NIT2: variants seen among roughly 807,000 people sequenced by gnomAD.
NIT2 encodes the protein omega-amidase NIT2.
Under a neutral mutation model 42.7 loss-of-function variants are expected in NIT2, and 46 were observed. The ratio of observed to expected loss-of-function variants is 1.08; its 90% CI spans 0.85 to 1.38. The LOEUF is 1.38. Ranked by LOEUF, NIT2 falls within the 40% of genes most tolerant of loss-of-function variation. The pLI is 0.00. For synonymous variants in NIT2, 123 were observed against 121.9 expected, an observed-to-expected ratio of 1.01 and a Z score of -0.06; for missense variants, 309 against 342.5, an observed-to-expected ratio of 0.90 and a Z score of 0.77.
At chr3:100,341,268 T>C in intron 4 of NIT2, 107 bp downstream of exon 4, 2 of 742,368 alleles carry the variant, frequency 2.7e-6, no homozygotes, top group Non-Finnish European at 4.8e-6. Flanking sequence ...ATATCACACA[T>C]GTATTAGGGT....
intron 5 of NIT2, 45 bp from the exon 6 acceptor site, chr3:100,346,136 G>A: frequency 1.3e-6 from 2 of 1,497,172 alleles, no homozygotes; most frequent in Non-Finnish European, 1.9e-6. Flanking sequence ...ACACCATGCT[G>A]TAGGGAGTTA....
intron 8 of NIT2, among the ~76,000 whole-genome samples, chr3:100,353,649 T>C (rs190966503): frequency 6.6e-6 from 1 of 152,336 alleles, no homozygotes. Context: ...AAAGTCTGTC[T>C]GTGGCTATCT....
intron 4 of NIT2, among the ~76,000 whole-genome samples, chr3:100,342,916 G>T (rs1706171597): frequency 6.6e-6 from 1 of 152,040 alleles, no homozygotes; most frequent in Non-Finnish European, 1.5e-5. Context: ...CTGAGGATCT[G>T]TTAGCTAGGA....
In NIT2 at chr3:100,356,293, T is replaced by TG. The variant is rs1706324766; in HGVS notation, c.*1025_*1026insG. 2 of 152,232 alleles carry TG rather than the reference T, an allele frequency of 1.3e-5. No homozygotes were observed. The highest frequency in any genetic ancestry group is 4.8e-5 in the African/African-American group (2 of 41,450). 9.4% of individuals were successfully genotyped at this position (152,232 alleles called of 1,614,324 possible). ...GAAAAAGCCCTGATTTTGCTGCTTT[T>TG]CATGGTGTAAATACTTAACCATGGC... On this transcript the variant is annotated 3_prime_UTR_variant, in exon 10 of 10. Transcript: ENST00000394140.
chr3:100,354,284 C>T (rs1281561267), intron 8 of NIT2, among the ~76,000 whole-genome samples: 2 of 152,182 alleles, frequency 1.3e-5, no homozygotes, highest in Admixed American at 1.3e-4. Context: ...GGGCAGAGAC[C>T]CCAGCAGATC....
At chr3:100,353,041 C>T (rs1001583289) in intron 8 of NIT2, among the ~76,000 whole-genome samples, 1 of 152,240 alleles carries the variant, frequency 6.6e-6, no homozygotes, top group African/African-American at 2.4e-5. Flanking sequence ...GTCATACGCT[C>T]ATACGCATTC....
rs1281432060 is a variant in NIT2, at chr3:100,359,507, GTC to G, written c.*4240_*4241del. 5 of 152,032 alleles carry G rather than the reference GTC, an allele frequency of 3.3e-5. No individual in the cohort carries two copies. Among genetic ancestry groups the G allele is most frequent in the African/African-American group, 1.2e-4 (5 of 41,364 alleles). The allele number at this position is 152,032 out of a possible 1,614,324, so 9.4% of individuals were successfully genotyped here. On this transcript the variant is annotated 3_prime_UTR_variant, in exon 10 of 10. Coordinates refer to ENST00000394140, the MANE Select transcript of NIT2 (RefSeq NM_020202.5). ...CGGCAGGCAGATTCTGCCCTCATCT[GTC>G]CAGTGACACTCTTCTGGCAGATTAC... is the stretch of plus-strand genomic sequence containing the variant.
At chr3:100,345,718 A>G in intron 5 of NIT2, 40 bp downstream of exon 5, 1 of 1,228,104 alleles carries the variant, frequency 8.1e-7, no homozygotes, top group Non-Finnish European at 1.2e-6. Flanking sequence ...CAATCTCAGT[A>G]GAAGACAATC....
chr3:100,341,114 T>C lies in NIT2; in HGVS notation c.289T>C (p.Cys97Arg), dbSNP rs1387122569. The change falls in exon 4 of 10, where the codon TGT becomes CGT. Residue 97 changes from cysteine to arginine, a missense_variant. Coordinates refer to ENST00000394140, the MANE Select transcript of NIT2 (RefSeq NM_020202.5). ...GGATGCTGGGAAATTATATAACACCTGTGCTGTGTTTGGGCCTGATGGAAC... is the reference window on the plus strand; with the variant it reads ...GGATGCTGGGAAATTATATAACACCCGTGCTGTGTTTGGGCCTGATGGAAC... Reference protein sequence around the residue: ...EEDAGKLYNTCAVFGPDGTLL... With the variant: ...EEDAGKLYNTRAVFGPDGTLL... The C allele has an allele frequency of 1.2e-6, 2 of 1,613,678 alleles. No individual in the cohort carries two copies. Among genetic ancestry groups the C allele is most frequent in the African/African-American group, 1.3e-5 (1 of 75,044 alleles).
At chr3:100,354,114 T>G (rs1706301170) in intron 8 of NIT2, among the ~76,000 whole-genome samples, 1 of 152,196 alleles carries the variant, frequency 6.6e-6, no homozygotes, top group Non-Finnish European at 1.5e-5. Context: ...CCTGGATTGA[T>G]GAAGGAGTGT....
chr3:100,348,333 T>C (rs1330423791), intron 6 of NIT2, among the ~76,000 whole-genome samples: 1 of 152,172 alleles, frequency 6.6e-6, no homozygotes, highest in Non-Finnish European at 1.5e-5. Flanking sequence ...GGGTGTGTGA[T>C]TTAGTATGTT....
chr3:100,348,171 C>T (rs990800884), intron 6 of NIT2, among the ~76,000 whole-genome samples: 6 of 152,160 alleles, frequency 3.9e-5, no homozygotes, highest in African/African-American at 1.4e-4. Flanking sequence ...GGATTACAGG[C>T]GTGAGCCAGC....
intron 4 of NIT2, 79 bp downstream of exon 4, chr3:100,341,240 T>C: frequency 1.1e-6 from 1 of 921,392 alleles, no homozygotes. Flanking sequence ...GCTATGAAGT[T>C]CCCTAGTCCC....
At position 100,334,791 on chromosome 3, in the gene NIT2, C is replaced by G. The variant is rs1706047222; in HGVS notation, c.-1C>G. The G allele has an allele frequency of 7.7e-7, 1 of 1,304,976 alleles. No homozygotes were observed. Among genetic ancestry groups the G allele is most frequent in the Non-Finnish European group, 9.8e-7 (1 of 1,020,752 alleles). The allele number at this position is 1,304,976 out of a possible 1,614,324, so 80.8% of individuals were successfully genotyped here. On this transcript the variant is annotated 5_prime_UTR_variant, in exon 1 of 10. Coordinates refer to ENST00000394140, the MANE Select transcript of NIT2 (RefSeq NM_020202.5). ...CGCAGGTGGTGCTTGTCTGCAGAGT[C>G]ATGACCTGTAAGTGGCGCGGCCGCG...
Position 100,358,366 on chromosome 3 carries a change from C to T in NIT2, c.*3098C>T, listed in dbSNP as rs947057532. 2 of 152,176 alleles carry T rather than the reference C, an allele frequency of 1.3e-5. No individual in the cohort carries two copies. The highest frequency in any genetic ancestry group is 4.8e-5 in the African/African-American group (2 of 41,438). The allele number at this position is 152,176 out of a possible 1,614,324, so 9.4% of individuals were successfully genotyped here. The stretch of plus-strand genomic sequence containing the variant: ...TTGGGTAAGTTTTAACTGCCATACC[C>T]CTGTACTCCCCGACTTTCTAATGAA... On this transcript the variant is annotated 3_prime_UTR_variant, in exon 10 of 10. Transcript: ENST00000394140.
intron 4 of NIT2, among the ~76,000 whole-genome samples, chr3:100,342,682 A>T (rs542854820): frequency 1.6e-4 from 25 of 152,116 alleles, no homozygotes; most frequent in Admixed American, 3.9e-4. Context: ...CTCATTCTTT[A>T]TGCTATAGTT....
At chr3:100,339,271 T>C in intron 2 of NIT2, 66 bp downstream of exon 2, 1 of 1,023,766 alleles carries the variant, frequency 9.8e-7, no homozygotes, top group South Asian at 1.3e-5. Context: ...GTTTGCTAGC[T>C]CTGGTTGTCC....
chr3:100,348,665 C>T (rs376237705), intron 6 of NIT2, 138 bp from the exon 7 acceptor site: 1 of 626,800 alleles, frequency 1.6e-6, no homozygotes, highest in South Asian at 1.9e-5. Context: ...TTGCTGCTGG[C>T]ACTGTCTGAC....
intron 5 of NIT2, 133 bp downstream of exon 5, chr3:100,345,811 A>C: frequency 1.5e-6 from 1 of 664,280 alleles, no homozygotes. Context: ...GCAGAGAATC[A>C]TCACAGATCT....
Sources: gnomAD v4.1 joint callset for allele counts (sites outside exome capture counted in the v4.1 genomes callset) on GRCh38, gnomAD v4.1.1 for gene constraint, MANE v1.5 for transcripts, NCBI Gene and HGNC (gene_info 2026-07-23, HGNC 2026-07-21) for gene names.